Variants in MAOA observed in about 807,000 individuals in gnomAD.
MAOA encodes monoamine oxidase A, also known as amine oxidase [flavin-containing] A.
Under a neutral mutation model 42.0 loss-of-function variants are expected in MAOA, and 6 were observed. That is an observed-to-expected ratio of 0.14 (90% confidence interval 0.08 to 0.28). The LOEUF is 0.28. Among genes scored for constraint, MAOA ranks in the 10% least tolerant of loss-of-function variants. The pLI is 1.00. For missense variants in MAOA, 262 were observed against 422.3 expected (o/e 0.62, Z 3.33); for synonymous variants, 140 against 154.0 (o/e 0.91, Z 0.67).
intron 2 of MAOA, 53 bp from the exon 3 acceptor site, chrX:43,693,238 C>A: frequency 8.6e-7 from 1 of 1,161,429 alleles, no homozygotes; most frequent in Non-Finnish European, 1.2e-6. Flanking sequence ...TACAAGACAC[C>A]TTTTTTCCAA....
intron 1 of MAOA, among the ~76,000 whole-genome samples, chrX:43,672,424 A>G (rs2147075086): frequency 9.0e-6 from 1 of 110,877 alleles, no homozygotes; most frequent in East Asian, 2.8e-4. Context: ...TCCTAATTGA[A>G]TACCCTTTAT....
At chrX:43,736,155 C>A in intron 9 of MAOA, 72 bp from the exon 10 acceptor site, 1 of 773,413 alleles carries the variant, frequency 1.3e-6, no homozygotes, top group Non-Finnish European at 1.9e-6. Context: ...GTTAAGAATA[C>A]TTCAGAAAGA....
chrX:43,662,234 C>T (rs964476556), intron 1 of MAOA, among the ~76,000 whole-genome samples: 1 of 111,339 alleles, frequency 9.0e-6, no homozygotes, highest in Non-Finnish European at 1.9e-5. Flanking sequence ...TAATTTTTTG[C>T]TGTTTAGGAC....
chrX:43,700,962 G>A (rs2033620448), intron 3 of MAOA, among the ~76,000 whole-genome samples: 1 of 111,840 alleles, frequency 8.9e-6, no homozygotes, highest in Non-Finnish European at 1.9e-5. Context: ...CTGTGCTCAT[G>A]ATAAGAAATT....
In MAOA at chrX:43,744,175, A is replaced by G. The variant is rs757097803; in HGVS notation, c.1437+4A>G. On this transcript the variant is annotated splice_donor_region_variant and intron_variant, in intron 14 of 14. Coordinates refer to ENST00000338702, the MANE Select transcript of MAOA (RefSeq NM_000240.4). ...GGTACAAGAACCTGAATCAAAGGTA[A>G]GTTTGGTGACTCTGGGCACTATCTC... The G allele has an allele frequency of 2.3e-5, 28 of 1,201,283 alleles. No homozygotes were observed. In the African/African-American group the frequency reaches 3.0e-4, roughly 13 times the overall value.
intron 9 of MAOA, among the ~76,000 whole-genome samples, chrX:43,733,281 C>G (rs2033896412): frequency 8.9e-6 from 1 of 112,430 alleles, no homozygotes; most frequent in African/African-American, 3.2e-5. Context: ...TTAGGAGGCC[C>G]AGTTCAGAAT....
Position 43,724,303 on chromosome X carries a change from CTGG to C in MAOA, c.504-3868_504-3866del, listed in dbSNP as rs766214480. Among the ~76,000 whole-genome samples, 545 of 111,638 alleles carry C rather than the reference CTGG, an allele frequency of 4.9e-3. 3 individuals carry two copies. The highest frequency in any genetic ancestry group is 7.3e-3 in the Non-Finnish European group (388 of 53,122). On this transcript the variant is annotated intron_variant, in intron 5 of 14. Transcript: ENST00000338702. ...TGGTAGAATTCAGCTGTGAATCCAT[CTGG>C]TCCTAGATTTTTTTTGTTGGTAGGC...
At chrX:43,678,904 G>A (rs1401908479) in intron 1 of MAOA, among the ~76,000 whole-genome samples, 2 of 111,263 alleles carry the variant, frequency 1.8e-5, no homozygotes, top group Non-Finnish European at 3.8e-5. Context: ...TTAAGTTATC[G>A]TGGAAATTCC....
intron 1 of MAOA, among the ~76,000 whole-genome samples, chrX:43,666,993 T>C (rs989833324): frequency 5.6e-5 from 2 of 35,556 alleles, no homozygotes; most frequent in African/African-American, 1.8e-4. Context: ...GGGTCTGTCA[T>C]GGGGTGGGGG....
intron 1 of MAOA, among the ~76,000 whole-genome samples, chrX:43,673,230 G>A (rs977703696): frequency 3.6e-5 from 4 of 111,650 alleles, no homozygotes; most frequent in African/African-American, 1.3e-4. Flanking sequence ...TTTGCATAGA[G>A]GTGTTTGTAG....
At chrX:43,684,836 T>C (rs1010672809) in intron 2 of MAOA, among the ~76,000 whole-genome samples, 1 of 110,153 alleles carries the variant, frequency 9.1e-6, no homozygotes, top group Non-Finnish European at 1.9e-5. Flanking sequence ...TGCTCTTCTT[T>C]CTGCTCTGAT....
At chrX:43,725,300 T>C (rs2033822970) in intron 5 of MAOA, among the ~76,000 whole-genome samples, 1 of 111,307 alleles carries the variant, frequency 9.0e-6, no homozygotes, top group Non-Finnish European at 1.9e-5. Flanking sequence ...TGTGTGGGAG[T>C]CTAAGTCTCT....
At chrX:43,718,393 G>C (rs1219175785) in intron 5 of MAOA, among the ~76,000 whole-genome samples, 1 of 94,503 alleles carries the variant, frequency 1.1e-5, no homozygotes, top group East Asian at 3.6e-4. Context: ...TGAAGTGTGG[G>C]GGGATGATAT....
At chrX:43,657,803 C>T in intron 1 of MAOA, 1 of 465,194 alleles carries the variant, frequency 2.1e-6, no homozygotes, top group Non-Finnish European at 2.7e-6. Context: ...GAACATGCTA[C>T]AAATTAATGT....
intron 6 of MAOA, 139 bp downstream of exon 6, chrX:43,728,453 CTG>C (rs1488556039): frequency 1.3e-5 from 9 of 707,337 alleles, no homozygotes; most frequent in Non-Finnish European, 1.9e-5. Context: ...AAAAGATTTT[CTG>C]AAAAAAAAAT....
intron 1 of MAOA, among the ~76,000 whole-genome samples, chrX:43,671,974 G>A (rs1435648874): frequency 3.6e-5 from 4 of 110,794 alleles, no homozygotes; most frequent in Non-Finnish European, 5.7e-5. Flanking sequence ...TTCCAATTAT[G>A]TGAAGAAAGT....
At chrX:43,661,172 T>C (rs2033230811) in intron 1 of MAOA, among the ~76,000 whole-genome samples, 1 of 111,554 alleles carries the variant, frequency 9.0e-6, no homozygotes, top group African/African-American at 3.3e-5. Context: ...CTTGTCTTGT[T>C]TAAGCATTTC....
intron 10 of MAOA, among the ~76,000 whole-genome samples, chrX:43,738,945 T>C (rs1013401476): frequency 2.7e-5 from 3 of 112,245 alleles, no homozygotes; most frequent in African/African-American, 9.7e-5. Flanking sequence ...CCTTGTGAAG[T>C]AGGTGTTAGA....
At chrX:43,706,360 G>A (rs1381516223) in intron 3 of MAOA, among the ~76,000 whole-genome samples, 2 of 111,955 alleles carry the variant, frequency 1.8e-5, no homozygotes, top group African/African-American at 6.5e-5. Flanking sequence ...AAAAAACTCT[G>A]TCAATTATCT....
Sources: gnomAD v4.1 joint callset for allele counts (sites outside exome capture counted in the v4.1 genomes callset) on GRCh38, gnomAD v4.1.1 for gene constraint, MANE v1.5 for transcripts, NCBI Gene and HGNC (gene_info 2026-07-23, HGNC 2026-07-21) for gene names.